The following SLFN12 variants were observed in gnomAD, a reference collection of about 807,000 sequenced individuals.
SLFN12 encodes schlafen family member 12.
A neutral mutation model predicts 29.1 loss-of-function variants in SLFN12; 25 were observed. The observed-to-expected ratio is 0.86, with a 90% confidence interval of 0.63 to 1.20. The LOEUF (loss-of-function observed/expected upper bound fraction) is 1.20, where lower values mean the gene tolerates loss of function less well. Ranked by LOEUF, SLFN12 falls within the 50% of genes most tolerant of loss-of-function variation. The pLI, the probability that SLFN12 is intolerant of heterozygous loss-of-function variation, is 0.00. For missense variants in SLFN12, 660 were observed against 666.2 expected (o/e 0.99, Z 0.10); for synonymous variants, 257 against 238.7 (o/e 1.08, Z -0.71).
chr17:35,428,275 T>A (rs1912120266), intron 1 of SLFN12, among the ~76,000 whole-genome samples: 1 of 152,128 alleles, frequency 6.6e-6, no homozygotes, highest in Non-Finnish European at 1.5e-5. Context: ...GCTAGCAAAT[T>A]TATCTTAGTG....
At chr17:35,418,856 A>ATTTG (rs143803983) in intron 3 of SLFN12, among the ~76,000 whole-genome samples, 45 of 151,354 alleles carry the variant, frequency 3.0e-4, no homozygotes, top group South Asian at 4.2e-4. Context: ...GTATTTATTT[A>ATTTG]TTTGTTTGTT....
chr17:35,422,688 G>A lies in SLFN12; in HGVS notation c.341C>T (p.Thr114Ile). Reference sequence around the variant, plus strand: ...CAAGGTGGTAATCCGCAGACCAGAGGTGTTCAAGCTCCATGACTTCACAAA... The same window carrying A: ...CAAGGTGGTAATCCGCAGACCAGAGATGTTCAAGCTCCATGACTTCACAAA... ...LIFVKSWSLNTSGLRITTLSS... is the reference protein window; with the variant it reads ...LIFVKSWSLNISGLRITTLSS... Residue 114 changes from threonine (T) to isoleucine (I), a missense_variant, in exon 2 of 4, where the codon ACC (threonine) becomes ATC (isoleucine). Thr to Ile is a moderately conservative substitution (Grantham distance 89, BLOSUM62 -1). Coordinates refer to ENST00000304905, the MANE Select transcript of SLFN12 (RefSeq NM_018042.5). The A allele has an allele frequency of 1.2e-6, 2 of 1,614,114 alleles. No individual in the cohort carries two copies. Among genetic ancestry groups the A allele is most frequent in the African/African-American group, 1.3e-5 (1 of 75,058 alleles).
intron 1 of SLFN12, among the ~76,000 whole-genome samples, chr17:35,426,909 T>G (rs2142048617): frequency 6.6e-6 from 1 of 152,314 alleles, no homozygotes; most frequent in East Asian, 1.9e-4. Context: ...CAGCTCATCT[T>G]CTGAGCCTTA....
At chr17:35,433,027 G>A (rs1235840889), upstream of SLFN12, 6 of 152,126 alleles carry the variant, frequency 3.9e-5, no homozygotes, top group Non-Finnish European at 8.8e-5. Flanking sequence ...GTGATCTCTA[G>A]GGAGCTCTCG....
Position 35,411,269 on chromosome 17 carries a change from T to G in SLFN12, c.*69A>C. 8.4e-7 allele frequency: 1 copy of G among 1,187,276 alleles called. No individual in the cohort carries two copies. The highest frequency in any genetic ancestry group is 1.2e-6 in the Non-Finnish European group (1 of 864,536). The allele number at this position is 1,187,276 out of a possible 1,614,324, so 73.5% of individuals were successfully genotyped here. A position where few individuals can be genotyped will look rare whatever the true frequency, so the allele number is the denominator to read the frequency against. Reference sequence around the variant, plus strand: ...ACTTGCAAAGTTTTCAAAGAAATATTTTCACAGAATTAGAGAATGTTATCA... The same window carrying G: ...ACTTGCAAAGTTTTCAAAGAAATATGTTCACAGAATTAGAGAATGTTATCA... On this transcript the variant is annotated 3_prime_UTR_variant, in exon 4 of 4. Transcript: ENST00000304905.
chr17:35,427,080 T>A (rs1015928533), intron 1 of SLFN12, among the ~76,000 whole-genome samples: 1 of 152,138 alleles, frequency 6.6e-6, no homozygotes, highest in South Asian at 2.1e-4. Flanking sequence ...CCAGACAGGT[T>A]ACAACATTGA....
At position 35,411,406 on chromosome 17, in the gene SLFN12, T is replaced by A. The variant is rs769305401; in HGVS notation, c.1669A>T (p.Ile557Leu). The change falls in exon 4 of 4, where the codon ATA (isoleucine) becomes TTA (leucine). Residue 557 changes from isoleucine (I) to leucine (L), a missense_variant. Transcript: ENST00000304905. ...TTCTGAAAGCAATCTATACCGATTA[T>A]CTGGTATAGATTTTCTGCAAAGGAA... ...QFSFAENLYQ[I>L]IGIDCFQKND... 7 of 1,606,962 alleles carry A rather than the reference T, an allele frequency of 4.4e-6. No individual in the cohort carries two copies. The South Asian group carries it at 7.8e-5, about 18-fold the overall frequency.
chr17:35,411,821 T>A lies in SLFN12; in HGVS notation c.1254A>T (p.Arg418Ser), dbSNP rs978777778. ...QLICEEMDSV[R>S]KGSLIFSRSW... The stretch of plus-strand genomic sequence containing the variant: ...TCCTAGAGAAGATCAGTGAGCCCTT[T>A]CTGACAGAGTCCATTTCTTCACATA... Residue 418 changes from arginine (R) to serine (S), a missense_variant, in exon 4 of 4, where the codon AGA becomes AGT. Arg to Ser is a moderately radical substitution (Grantham distance 110). Coordinates refer to ENST00000304905, the MANE Select transcript of SLFN12 (RefSeq NM_018042.5). 1.9e-6 allele frequency: 3 copies of A among 1,614,090 alleles called. No homozygotes were observed. Among genetic ancestry groups the A allele is most frequent in the South Asian group, 2.2e-5 (2 of 91,088 alleles).
intron 3 of SLFN12, among the ~76,000 whole-genome samples, chr17:35,415,909 G>A (rs1567845025): frequency 6.6e-6 from 1 of 152,152 alleles, no homozygotes; most frequent in African/African-American, 2.4e-5. Context: ...CTGCTGGTGT[G>A]AATGTAAACT....
intron 1 of SLFN12, among the ~76,000 whole-genome samples, chr17:35,425,864 T>TTC (rs1555611844): frequency 5.1e-5 from 7 of 136,212 alleles, no homozygotes; most frequent in Non-Finnish European, 9.3e-5. Flanking sequence ...TTTTTTTTTT[T>TTC]CAGAAACCTC....
In SLFN12 at chr17:35,422,933, C is replaced by T. The variant is rs770917428; in HGVS notation, c.96G>A (p.Lys32=). 3.1e-6 allele frequency: 5 copies of T among 1,613,720 alleles called. No homozygotes were observed. In the Admixed American group the frequency reaches 6.7e-5, roughly 22 times the overall value. ...TCTGCTTTTTTCTCAGTTTACAATC[C>T]TTCATTTTTTTCCTACTGTTCTCTC... ...TLGENSRKKM[K]DCKLRKKQNE... The change falls in exon 2 of 4, where the codon AAG becomes AAA. Residue 32 remains lysine (K), a synonymous_variant. Coordinates refer to ENST00000304905, the MANE Select transcript of SLFN12 (RefSeq NM_018042.5).
chr17:35,419,221 C>T (rs1038516407), intron 3 of SLFN12, among the ~76,000 whole-genome samples: 4 of 151,914 alleles, frequency 2.6e-5, no homozygotes, highest in African/African-American at 9.7e-5. Flanking sequence ...ATCTCTTATG[C>T]AAGGCACAAA....
Position 35,424,495 on chromosome 17 carries a change from TTTAAG to T in SLFN12, c.-40-1432_-40-1428del, listed in dbSNP as rs373894703. ...TTTTAAGTGTAACTTAAGTGTAACT[TTTAAG>T]TTAAGTTAATAAGTGTAACTTAAGA... On this transcript the variant is annotated intron_variant, in intron 1 of 3. Coordinates refer to ENST00000304905, the MANE Select transcript of SLFN12 (RefSeq NM_018042.5). 3.0e-3 allele frequency among the ~76,000 whole-genome samples: 455 copies of T among 152,290 alleles called. 2 individuals carry two copies. The highest frequency in any genetic ancestry group is 9.8e-3 in the African/African-American group (409 of 41,576).
At chr17:35,426,732 G>A (rs527766238) in intron 1 of SLFN12, among the ~76,000 whole-genome samples, 1 of 152,256 alleles carries the variant, frequency 6.6e-6, no homozygotes, top group East Asian at 1.9e-4. Flanking sequence ...AACCTTCAGT[G>A]ATGGGCTAAG....
At position 35,411,890 on chromosome 17, in the gene SLFN12, A is replaced by G; in HGVS notation, c.1185T>C (p.Leu395=). The change falls in exon 4 of 4, where the codon CTT becomes CTC. Residue 395 remains leucine (L), a synonymous_variant. Coordinates refer to ENST00000304905, the MANE Select transcript of SLFN12 (RefSeq NM_018042.5). The part of the protein sequence containing the change: ...SGRITYTPEN[L]CRKLFLQHEG... ...CATGTTGTAAGAACAGTTTTCTGCA[A>G]AGGTTTTCTGGAGTATACGTTATCC... The G allele has an allele frequency of 3.1e-6, 5 of 1,612,670 alleles. No individual in the cohort carries two copies. Among genetic ancestry groups the G allele is most frequent in the Non-Finnish European group, 4.2e-6 (5 of 1,179,638 alleles).
intron 2 of SLFN12, chr17:35,420,673 G>A (rs1205599003): frequency 8.9e-6 from 2 of 223,930 alleles, no homozygotes; most frequent in Non-Finnish European, 1.8e-5. Flanking sequence ...AATGAGACGT[G>A]ATGGCTAGTG....
rs1911697319 is a variant in SLFN12 at position 35,422,142 on chromosome 17, C to T, written c.887G>A (p.Gly296Glu). The T allele has an allele frequency of 6.2e-7, 1 of 1,614,112 alleles. No individual in the cohort carries two copies. Among genetic ancestry groups the T allele is most frequent in the Non-Finnish European group, 8.5e-7 (1 of 1,179,998 alleles). ...SCKFLGVYDK[G>E]SLCGYVCALR... The stretch of plus-strand genomic sequence containing the variant: ...TGCACAGACATATCCACAAAGACTT[C>T]CTTTATCATATACTCCAAGGAATTT... The change falls in exon 2 of 4, where the codon GGA (glycine) becomes GAA (glutamate). Residue 296 changes from glycine to glutamate, a missense_variant. Transcript: ENST00000304905.
Position 35,411,488 on chromosome 17 carries a change from G to T in SLFN12, c.1587C>A (p.Tyr529Ter). 6.2e-7 allele frequency: 1 copy of T among 1,614,044 alleles called. No homozygotes were observed. Among genetic ancestry groups the T allele is most frequent in the Non-Finnish European group, 8.5e-7 (1 of 1,179,986 alleles). ...PESYYFTRRKYLLKALFKALK... is the reference protein window; with the variant it reads ...PESYYFTRRK ...AGGCTTTAAAAAGGGCTTTCAGCAAGTATTTCCTTCTTGTAAAATAGTAGG... is the reference window on the plus strand; with the variant it reads ...AGGCTTTAAAAAGGGCTTTCAGCAATTATTTCCTTCTTGTAAAATAGTAGG... Residue 529 changes from tyrosine to a stop codon, truncating the protein, a stop_gained, in exon 4 of 4, where the codon TAC becomes TAA. Transcript: ENST00000304905. LOFTEE classifies it low-confidence loss of function (END_TRUNC).
Position 35,422,643 on chromosome 17 carries a change from C to CT in SLFN12, c.385dup (p.Arg129LysfsTer25). Reference sequence around the variant, plus strand: ...CATGACTTTTGCAGATGTTATATCTCTTTTGTACAAATTGGAGCTCAAGGT... The same window carrying CT: ...CATGACTTTTGCAGATGTTATATCTCTTTTTGTACAAATTGGAGCTCAAGGT... On this transcript the variant is annotated frameshift_variant, in exon 2 of 4. Transcript: ENST00000304905. LOFTEE classifies it high-confidence loss of function. The CT allele has an allele frequency of 6.2e-7, 1 of 1,613,868 alleles. No individual in the cohort carries two copies.
Sources: gnomAD v4.1 joint callset for allele counts (sites outside exome capture counted in the v4.1 genomes callset) on GRCh38, gnomAD v4.1.1 for gene constraint, MANE v1.5 for transcripts, NCBI Gene and HGNC (gene_info 2026-07-23, HGNC 2026-07-21) for gene names.